KCNH8: variants seen among roughly 807,000 people sequenced by gnomAD.
KCNH8 encodes voltage-gated delayed rectifier potassium channel KCNH8.
In KCNH8, 70 loss-of-function variants were observed where a neutral mutation model predicts 103.6. The observed-to-expected ratio is 0.68, with a 90% confidence interval of 0.56 to 0.82. KCNH8 has a LOEUF of 0.82. KCNH8 is among the 40% of genes least tolerant of loss of function. The probability of loss-of-function intolerance (pLI) is 0.00; values close to 1 mark genes in which losing one functional copy is unlikely to be tolerated. For missense variants in KCNH8, 1,217 were observed against 1,329.9 expected, an observed-to-expected ratio of 0.92 and a Z score of 1.32; for synonymous variants, 498 against 489.4, an observed-to-expected ratio of 1.02 and a Z score of -0.23.
At chr3:19,506,058 T>C (rs80112588) in intron 11 of KCNH8, among the ~76,000 whole-genome samples, 19,191 of 152,100 alleles carry the variant, frequency 0.13, 1,718 homozygotes, top group East Asian at 0.33. Flanking sequence ...TCCTGAATCA[T>C]TTTATGGTAC....
chr3:19,186,338 A>C (rs1404412273), intron 1 of KCNH8, among the ~76,000 whole-genome samples: 1 of 151,748 alleles, frequency 6.6e-6, no homozygotes, highest in Non-Finnish European at 1.5e-5. Flanking sequence ...ACTGAGCTTG[A>C]AATGAATGTC....
intron 1 of KCNH8, among the ~76,000 whole-genome samples, chr3:19,170,810 A>T (rs68186150): frequency 0.15 from 11,267 of 75,112 alleles, 1,430 homozygotes; most frequent in African/African-American, 0.35. Flanking sequence ...ATATATATAT[A>T]TTTTTTTTTT....
intron 11 of KCNH8, among the ~76,000 whole-genome samples, chr3:19,460,081 C>A (rs1344925672): frequency 6.6e-6 from 1 of 152,020 alleles, no homozygotes; most frequent in African/African-American, 2.4e-5. Flanking sequence ...TTGTTCATGT[C>A]ATTTTCCTCA....
At chr3:19,195,879 C>G (rs1559417621) in intron 1 of KCNH8, among the ~76,000 whole-genome samples, 1 of 151,936 alleles carries the variant, frequency 6.6e-6, no homozygotes, top group Non-Finnish European at 1.5e-5. Context: ...TTTCCTGTTC[C>G]TTGGTCCTCC....
intron 10 of KCNH8, among the ~76,000 whole-genome samples, chr3:19,452,163 T>C (rs1291115525): frequency 6.6e-6 from 1 of 152,058 alleles, no homozygotes; most frequent in Non-Finnish European, 1.5e-5. Flanking sequence ...GCAGGTGGAT[T>C]GCTTGAGCCC....
chr3:19,533,121 G>A (rs1319878534), intron 15 of KCNH8, among the ~76,000 whole-genome samples: 8 of 151,072 alleles, frequency 5.3e-5, no homozygotes, highest in South Asian at 4.2e-4. Context: ...GGAGCATGGC[G>A]TGAACCTGGG....
At chr3:19,288,211 T>C (rs2064863134) in intron 3 of KCNH8, among the ~76,000 whole-genome samples, 1 of 139,464 alleles carries the variant, frequency 7.2e-6, no homozygotes, top group Admixed American at 7.2e-5. Context: ...TTTTTTTTTT[T>C]AGTATTAAAG....
At chr3:19,476,219 C>T (rs1183343120) in intron 11 of KCNH8, among the ~76,000 whole-genome samples, 2 of 152,144 alleles carry the variant, frequency 1.3e-5, no homozygotes, top group Non-Finnish European at 2.9e-5. Context: ...TATTTCAAAT[C>T]AGCAAAGTAG....
At chr3:19,312,771 C>T (rs1035235022) in intron 3 of KCNH8, among the ~76,000 whole-genome samples, 5 of 151,918 alleles carry the variant, frequency 3.3e-5, no homozygotes, top group Admixed American at 6.6e-5. Context: ...ACTGCTTTTA[C>T]GGATCATAAC....
chr3:19,195,275 G>A (rs991481190), intron 1 of KCNH8, among the ~76,000 whole-genome samples: 1 of 151,922 alleles, frequency 6.6e-6, no homozygotes, highest in Admixed American at 6.6e-5. Flanking sequence ...AGATGCCAGT[G>A]TGTTAATAAT....
At chr3:19,450,345 C>T (rs1487345667) in intron 9 of KCNH8, 40 bp downstream of exon 9, 2 of 1,513,296 alleles carry the variant, frequency 1.3e-6, no homozygotes, top group Non-Finnish European at 1.8e-6. Flanking sequence ...GCAGAAAGCA[C>T]ATATTCTAAG....
chr3:19,334,435 C>T (rs1457481434), intron 3 of KCNH8, among the ~76,000 whole-genome samples: 1 of 152,062 alleles, frequency 6.6e-6, no homozygotes, highest in African/African-American at 2.4e-5. Flanking sequence ...ACAGCAAAAC[C>T]TCATCTTTAA....
intron 11 of KCNH8, among the ~76,000 whole-genome samples, chr3:19,490,693 TC>T (rs981392769): frequency 2.2e-4 from 34 of 151,968 alleles, no homozygotes; most frequent in African/African-American, 7.3e-4. Flanking sequence ...AGGGGTGGTC[TC>T]CCCCCCTTAA....
At chr3:19,282,282 G>A (rs944035795) in intron 3 of KCNH8, among the ~76,000 whole-genome samples, 3 of 152,042 alleles carry the variant, frequency 2.0e-5, no homozygotes, top group Admixed American at 6.6e-5. Flanking sequence ...CTGTATATTG[G>A]CATGACTAAA....
chr3:19,163,723 C>T (rs911736493), intron 1 of KCNH8, among the ~76,000 whole-genome samples: 1 of 152,162 alleles, frequency 6.6e-6, no homozygotes, highest in African/African-American at 2.4e-5. Context: ...ACCTCTGCCT[C>T]CTCCCATGAG....
chr3:19,494,180 T>A (rs1202729235), intron 11 of KCNH8, among the ~76,000 whole-genome samples: 1 of 152,186 alleles, frequency 6.6e-6, no homozygotes, highest in Non-Finnish European at 1.5e-5. Flanking sequence ...CTCATTCTCT[T>A]TTGTGGCTGC....
At chr3:19,241,348 T>C (rs1209731835) in intron 1 of KCNH8, among the ~76,000 whole-genome samples, 1 of 152,150 alleles carries the variant, frequency 6.6e-6, no homozygotes, top group Non-Finnish European at 1.5e-5. Flanking sequence ...ACCTTACACA[T>C]GAGACAGGTA....
At chr3:19,303,145 G>T (rs936217323) in intron 3 of KCNH8, among the ~76,000 whole-genome samples, 1 of 152,128 alleles carries the variant, frequency 6.6e-6, no homozygotes, top group Non-Finnish European at 1.5e-5. Flanking sequence ...CAATCAGAAA[G>T]CTTGAATGAT....
At chr3:19,356,084 A>G (rs904792547) in intron 5 of KCNH8, among the ~76,000 whole-genome samples, 1 of 151,870 alleles carries the variant, frequency 6.6e-6, no homozygotes, top group Admixed American at 6.6e-5. Flanking sequence ...TGTTTTAAAA[A>G]ATATTTTGGT....
Sources: allele counts gnomAD v4.1 joint callset (sites outside exome capture counted in the v4.1 genomes callset), GRCh38; gene constraint gnomAD v4.1.1; transcripts MANE v1.5; gene names NCBI Gene and HGNC (gene_info 2026-07-23, HGNC 2026-07-21).